HOMER1: variants seen among roughly 807,000 people sequenced by gnomAD.
The protein encoded by HOMER1 is homer scaffold protein 1, also known as homer protein homolog 1.
HOMER1 carries 3 observed loss-of-function variants against 48.9 expected under a neutral mutation model. The ratio of observed to expected loss-of-function variants is 0.06; its 90% confidence interval spans 0.03 to 0.16. The LOEUF is 0.16. HOMER1 is among the 10% of genes least tolerant of loss of function. HOMER1 has a pLI of 1.00. For missense variants in HOMER1, 247 were observed against 411.4 expected (o/e 0.60, Z 3.46); for synonymous variants, 134 against 146.4 (o/e 0.92, Z 0.61).
At chr5:79,470,608 C>G (rs765610782) in intron 1 of HOMER1, among the ~76,000 whole-genome samples, 24 of 152,064 alleles carry the variant, frequency 1.6e-4, no homozygotes, top group Non-Finnish European at 2.9e-4. Context: ...CATCAAAGAA[C>G]TAAAATTAAA....
At chr5:79,420,528 T>C (rs1561356746) in intron 5 of HOMER1, among the ~76,000 whole-genome samples, 1 of 152,220 alleles carries the variant, frequency 6.6e-6, no homozygotes, top group Non-Finnish European at 1.5e-5. Flanking sequence ...TTGTGGCACT[T>C]TCCATAACAG....
intron 1 of HOMER1, among the ~76,000 whole-genome samples, chr5:79,484,435 G>A (rs1239194045): frequency 6.6e-6 from 1 of 151,894 alleles, no homozygotes. Flanking sequence ...CAATTAAAAG[G>A]CAGAGATTAG....
chr5:79,400,556 C>T (rs1749508378), intron 6 of HOMER1, among the ~76,000 whole-genome samples: 1 of 151,124 alleles, frequency 6.6e-6, no homozygotes, highest in African/African-American at 2.4e-5. Context: ...GGGGTTTCAC[C>T]ATGTTGCCCA....
At chr5:79,406,822 C>T (rs1561351574) in intron 5 of HOMER1, among the ~76,000 whole-genome samples, 1 of 152,200 alleles carries the variant, frequency 6.6e-6, no homozygotes, top group Non-Finnish European at 1.5e-5. Context: ...AGACTCTCAA[C>T]TATCACAAGG....
intron 1 of HOMER1, among the ~76,000 whole-genome samples, chr5:79,502,402 C>T (rs769420065): frequency 6.6e-6 from 1 of 151,974 alleles, no homozygotes; most frequent in Non-Finnish European, 1.5e-5. Flanking sequence ...TTTTAATACC[C>T]TCACCCTTAA....
intron 8 of HOMER1, among the ~76,000 whole-genome samples, chr5:79,379,125 A>ATATATATT (rs1561340372): frequency 2.0e-5 from 2 of 99,050 alleles, no homozygotes; most frequent in African/African-American, 9.1e-5. Context: ...AAATATATAA[A>ATATATATT]TATTTATTTA....
chr5:79,384,501 T>G (rs1290284143), intron 8 of HOMER1, among the ~76,000 whole-genome samples: 1 of 152,122 alleles, frequency 6.6e-6, no homozygotes, highest in African/African-American at 2.4e-5. Flanking sequence ...ACTGAATCAG[T>G]AGTAAGAAGT....
Position 79,456,905 on chromosome 5 carries a change from C to G in HOMER1, c.119G>C (p.Ser40Thr), listed in dbSNP as rs1751190361. 1 of 1,613,826 alleles carries G rather than the reference C, an allele frequency of 6.2e-7. No homozygotes were observed. The highest frequency in any genetic ancestry group is 8.5e-7 in the Non-Finnish European group (1 of 1,179,814). Residue 40 changes from serine (S) to threonine (T), a missense_variant, in exon 2 of 9, where the codon AGC becomes ACC. This residue lies in a region of HOMER1 where 38 missense variants were observed against 114.9 expected (regional missense o/e 0.33). Transcript: ENST00000334082. ...HAVTVSYFYDSTRNVYRIISL... is the reference protein window; with the variant it reads ...HAVTVSYFYDTTRNVYRIISL... ...GATTATCCTATACACATTTCTTGTG[C>G]TGTCATAGAAATAAGACACAGTAAC...
At chr5:79,421,576 G>GCA (rs140527114) in intron 5 of HOMER1, among the ~76,000 whole-genome samples, 7,074 of 150,598 alleles carry the variant, frequency 0.047, 227 homozygotes, top group South Asian at 0.084. Flanking sequence ...AATACTATGA[G>GCA]CACACACACA....
intron 1 of HOMER1, 113 bp downstream of exon 1, chr5:79,512,657 A>C (rs1409179686): frequency 1.0e-6 from 1 of 993,328 alleles, no homozygotes; most frequent in Non-Finnish European, 1.6e-6. Context: ...AAGTATGACC[A>C]GCTTAGCAAG....
At chr5:79,458,286 GT>G (rs1751225835) in intron 1 of HOMER1, among the ~76,000 whole-genome samples, 1 of 151,794 alleles carries the variant, frequency 6.6e-6, no homozygotes, top group African/African-American at 2.4e-5. Context: ...TATCAAGCTT[GT>G]TTTTTTAAGA....
intron 1 of HOMER1, among the ~76,000 whole-genome samples, chr5:79,485,333 T>C (rs1053369390): frequency 1.3e-5 from 2 of 152,146 alleles, no homozygotes; most frequent in African/African-American, 2.4e-5. Flanking sequence ...GGAGGGTAAG[T>C]AGAAATTCAG....
At chr5:79,434,775 C>G (rs2112268835) in intron 5 of HOMER1, among the ~76,000 whole-genome samples, 1 of 152,196 alleles carries the variant, frequency 6.6e-6, no homozygotes, top group South Asian at 2.1e-4. Flanking sequence ...TAGCACTTGA[C>G]TAAGGAGTAT....
At chr5:79,478,183 A>G (rs1337303370) in intron 1 of HOMER1, among the ~76,000 whole-genome samples, 3 of 152,184 alleles carry the variant, frequency 2.0e-5, no homozygotes, top group African/African-American at 4.8e-5. Context: ...ACTGATTTCA[A>G]TATGCCTTTG....
At chr5:79,506,287 T>C (rs1420782413) in intron 1 of HOMER1, among the ~76,000 whole-genome samples, 1 of 151,968 alleles carries the variant, frequency 6.6e-6, no homozygotes, top group Non-Finnish European at 1.5e-5. Context: ...AAAAAGATTA[T>C]ATGTGTTGAT....
At chr5:79,446,074 G>A (rs1293035636) in intron 4 of HOMER1, among the ~76,000 whole-genome samples, 2 of 152,184 alleles carry the variant, frequency 1.3e-5, no homozygotes, top group Non-Finnish European at 2.9e-5. Context: ...CCCCTCTAGG[G>A]CTAGCTAATT....
At chr5:79,510,753 T>G in intron 1 of HOMER1, 1 of 768,282 alleles carries the variant, frequency 1.3e-6, no homozygotes. Context: ...GGAAGCATGC[T>G]CGTGCCCGCA....
At chr5:79,496,766 C>T (rs1004771636) in intron 1 of HOMER1, among the ~76,000 whole-genome samples, 3 of 151,858 alleles carry the variant, frequency 2.0e-5, no homozygotes, top group African/African-American at 7.3e-5. Context: ...GATAATTCCG[C>T]GAATAGAAAA....
At chr5:79,490,329 T>A (rs1385462840) in intron 1 of HOMER1, among the ~76,000 whole-genome samples, 27 of 152,232 alleles carry the variant, frequency 1.8e-4, no homozygotes, top group Non-Finnish European at 4.0e-4. Context: ...CCAGTCTGAA[T>A]AAATTGACAA....
Sources: allele counts gnomAD v4.1 joint callset (sites outside exome capture counted in the v4.1 genomes callset), GRCh38; gene constraint gnomAD v4.1.1; regional missense constraint gnomAD v4.1.1; transcripts MANE v1.5; gene names NCBI Gene and HGNC (gene_info 2026-07-23, HGNC 2026-07-21).